EDRF1: variants seen among roughly 807,000 people sequenced by gnomAD.
The protein encoded by EDRF1 is erythroid differentiation-related factor 1.
In EDRF1, 69 loss-of-function variants were observed where a neutral mutation model predicts 148.7. The ratio of observed to expected loss-of-function variants is 0.46; its 90% CI spans 0.38 to 0.57. EDRF1 has a LOEUF of 0.57. Ranked by LOEUF, EDRF1 falls within the 20% of genes least tolerant of loss-of-function variation. The pLI, the probability that EDRF1 is intolerant of heterozygous loss-of-function variation, is 0.00. For synonymous variants in EDRF1, 515 were observed against 532.8 expected (o/e 0.97, Z 0.46); for missense variants, 1,118 against 1,478.7 (o/e 0.76, Z 4.00).
At chr10:125,753,016 C>A in intron 23 of EDRF1, 102 bp downstream of exon 23, 1 of 796,446 alleles carries the variant, frequency 1.3e-6, no homozygotes, top group Non-Finnish European at 2.2e-6. Flanking sequence ...TATATATACA[C>A]ACATGTACAT....
In EDRF1 at chr10:125,723,930, G is replaced by A. The variant is rs771687542; in HGVS notation, c.504G>A (p.Ser168=). ...ELDIQELFMR[S]SQTGDWTWLK... ...ATATTCAAGAACTCTTTATGAGATC[G>A]TCTCAGGTAATGCTTTTGTGAAAAA... Residue 168 remains serine, a synonymous_variant, in exon 4 of 25, where the codon TCG becomes TCA. Transcript: ENST00000356792. 4.3e-6 allele frequency: 7 copies of A among 1,613,066 alleles called. No individual in the cohort carries two copies. The highest frequency in any genetic ancestry group is 2.2e-5 in the East Asian group (1 of 44,848).
At chr10:125,739,520 A>G (rs1187978109) in intron 15 of EDRF1, among the ~76,000 whole-genome samples, 1 of 152,184 alleles carries the variant, frequency 6.6e-6, no homozygotes, top group East Asian at 1.9e-4. Flanking sequence ...ACATGCACAC[A>G]CACGGTTGTG....
At chr10:125,757,163 T>TG in intron 24 of EDRF1, 1 of 232,478 alleles carries the variant, frequency 4.3e-6, no homozygotes. Flanking sequence ...CTCTAGACCA[T>TG]TCACATTTAA....
intron 21 of EDRF1, chr10:125,748,593 C>A (rs1019084560): frequency 6.0e-6 from 1 of 166,906 alleles, no homozygotes; most frequent in Non-Finnish European, 1.3e-5. Flanking sequence ...TTGATTTTCC[C>A]CCCCCGTAAG....
At chr10:125,735,297 C>G (rs994705621) in intron 12 of EDRF1, among the ~76,000 whole-genome samples, 8 of 152,006 alleles carry the variant, frequency 5.3e-5, no homozygotes, top group African/African-American at 1.9e-4. Context: ...TCTGGTTTCT[C>G]ACTTGGCATA....
chr10:125,742,869 G>T, intron 17 of EDRF1, 189 bp from the exon 18 acceptor site: 1 of 868,086 alleles, frequency 1.2e-6, no homozygotes, highest in Non-Finnish European at 1.4e-6. Flanking sequence ...AATATCCCAA[G>T]AAATATAATT....
Position 125,753,699 on chromosome 10 carries a change from GAGT to G in EDRF1, c.3400_3402del (p.Ser1134del). The G allele has an allele frequency of 6.2e-7, 1 of 1,614,110 alleles. No homozygotes were observed. Among genetic ancestry groups the G allele is most frequent in the Non-Finnish European group, 8.5e-7 (1 of 1,180,034 alleles). On this transcript the variant is annotated inframe_deletion, in exon 24 of 25. Transcript: ENST00000356792. ...TAACTTTTTGTTGTTTTTAGCCTAA[GAGT>G]GGTGACGCCGCTGCAGCTGCTGATG...
In EDRF1 at chr10:125,757,948, C is replaced by T. The variant is rs145050372; in HGVS notation, c.3545+4103C>T. Among the ~76,000 whole-genome samples, 103 of 152,302 alleles carry T rather than the reference C, an allele frequency of 6.8e-4. 1 individual carries two copies. The South Asian group carries it at 0.01, about 15-fold the overall frequency. On this transcript the variant is annotated intron_variant, in intron 24 of 24. Transcript: ENST00000356792. ...TCTTTCTTCTGTTCCATTCTCTCTCCTCCTCTGTAGCCCGTTATGCCTATG... is the reference window on the plus strand; with the variant it reads ...TCTTTCTTCTGTTCCATTCTCTCTCTTCCTCTGTAGCCCGTTATGCCTATG...
intron 17 of EDRF1, 147 bp downstream of exon 17, chr10:125,741,348 G>A (rs778974084): frequency 2.0e-5 from 18 of 884,340 alleles, no homozygotes; most frequent in South Asian, 2.8e-5. Context: ...ACGGAGTTTC[G>A]CTCTTGTTGC....
Position 125,741,072 on chromosome 10 carries a change from T to C in EDRF1, c.2242T>C (p.Cys748Arg). The change falls in exon 17 of 25, where the codon TGT (cysteine) becomes CGT (arginine). Residue 748 changes from cysteine (C) to arginine (R), a missense_variant. Cys to Arg is a radical substitution (Grantham distance 180). Transcript: ENST00000356792. The stretch of plus-strand genomic sequence containing the variant: ...GTTTCTCTCTCAATATTTGACACTT[T>C]GTGGTGATATCCAACTAATGCTGGC... ...LLFLSQYLTL[C>R]GDIQLMLAQN... The C allele has an allele frequency of 1.2e-6, 2 of 1,614,188 alleles. No homozygotes were observed. Among genetic ancestry groups the C allele is most frequent in the Non-Finnish European group, 1.7e-6 (2 of 1,180,044 alleles).
intron 12 of EDRF1, 67 bp downstream of exon 12, chr10:125,734,250 C>A: frequency 8.4e-7 from 1 of 1,194,036 alleles, no homozygotes; most frequent in Non-Finnish European, 1.2e-6. Flanking sequence ...GTTACCTAGA[C>A]AGTAAAGCCT....
At chr10:125,723,046 T>C (rs759193427) in intron 2 of EDRF1, 22 bp from the exon 3 acceptor site, 2 of 1,598,298 alleles carry the variant, frequency 1.3e-6, no homozygotes, top group Admixed American at 3.3e-5. Context: ...TCATAACCTG[T>C]GTCCTTTTTT....
chr10:125,724,345 A>G (rs1312164543), intron 4 of EDRF1, among the ~76,000 whole-genome samples: 1 of 152,252 alleles, frequency 6.6e-6, no homozygotes, highest in African/African-American at 2.4e-5. Context: ...TCATGTTCCC[A>G]TAATGACGTT....
intron 11 of EDRF1, 123 bp from the exon 12 acceptor site, chr10:125,733,949 A>G (rs2133697455): frequency 2.1e-6 from 2 of 937,906 alleles, no homozygotes; most frequent in East Asian, 2.5e-5. Flanking sequence ...GGTAAAGTGT[A>G]AAGTTTAGTA....
In EDRF1 at chr10:125,743,265, G is replaced by T. The variant is rs746590119; in HGVS notation, c.2579G>T (p.Ser860Ile). 2.5e-6 allele frequency: 4 copies of T among 1,613,066 alleles called. No homozygotes were observed. In the Admixed American group the frequency reaches 5.0e-5, roughly 20 times the overall value. Residue 860 changes from serine to isoleucine, a missense_variant, in exon 18 of 25, where the codon AGT becomes ATT. Transcript: ENST00000356792. ...ATGAATCAGGCTGCTGCATTACAGAGTGAGAGACTAGGTGAGTATCTCTTT... is the reference window on the plus strand; with the variant it reads ...ATGAATCAGGCTGCTGCATTACAGATTGAGAGACTAGGTGAGTATCTCTTT... ...FYMNQAAALQ[S>I]ERLVSKSVSA...
chr10:125,745,206 ACTAGGTG>A, intron 18 of EDRF1: 1 of 180,838 alleles, frequency 5.5e-6, no homozygotes, highest in South Asian at 1.2e-4. Flanking sequence ...AATATCATAG[ACTAGGTG>A]ACATAATGAG....
chr10:125,748,597 C>G (rs1849488863), intron 21 of EDRF1: 2 of 167,846 alleles, frequency 1.2e-5, no homozygotes, highest in Non-Finnish European at 2.6e-5. Context: ...TTTTCCCCCC[C>G]CGTAAGGTAA....
chr10:125,761,430 T>A (rs1850191531), intron 24 of EDRF1: 1 of 188,520 alleles, frequency 5.3e-6, no homozygotes, highest in Non-Finnish European at 1.1e-5. Context: ...TTTAATATAA[T>A]GAAATACCAT....
intron 17 of EDRF1, chr10:125,742,837 G>A (rs1373100535): frequency 6.5e-6 from 6 of 929,888 alleles, no homozygotes; most frequent in Non-Finnish European, 7.7e-6. Context: ...TCATAGGCAG[G>A]AAAATATTTT....
Sources: gnomAD v4.1 joint callset for allele counts (sites outside exome capture counted in the v4.1 genomes callset) on GRCh38, gnomAD v4.1.1 for gene constraint, MANE v1.5 for transcripts, NCBI Gene and HGNC (gene_info 2026-07-23, HGNC 2026-07-21) for gene names.